Variants in CCSER2 observed in about 807,000 individuals in gnomAD.
CCSER2 encodes coiled-coil serine rich protein 2.
In CCSER2, 46 loss-of-function variants were observed where a neutral mutation model predicts 92.3. The observed-to-expected ratio is 0.50, with a 90% CI of 0.39 to 0.64. The LOEUF is 0.64. Ranked by LOEUF, CCSER2 falls within the 30% of genes least tolerant of loss-of-function variation. The pLI is 0.00. For synonymous variants in CCSER2, 433 were observed against 431.4 expected, an observed-to-expected ratio of 1.00 and a Z score of -0.04; for missense variants, 1,244 against 1,238.9, an observed-to-expected ratio of 1.00 and a Z score of -0.06.
chr10:84,396,356 A>G (rs1414138844), intron 3 of CCSER2, among the ~76,000 whole-genome samples: 1 of 151,356 alleles, frequency 6.6e-6, no homozygotes, highest in African/African-American at 2.4e-5. Flanking sequence ...CCTATGAAAA[A>G]GATTTACTAA....
At chr10:84,350,758 T>G (rs1198010800) in intron 1 of CCSER2, among the ~76,000 whole-genome samples, 1 of 152,248 alleles carries the variant, frequency 6.6e-6, no homozygotes. Context: ...TGCCCGTTTG[T>G]CACAACTTAA....
At chr10:84,467,245 T>C (rs759946995) in intron 7 of CCSER2, among the ~76,000 whole-genome samples, 54 of 152,226 alleles carry the variant, frequency 3.5e-4, no homozygotes, top group Non-Finnish European at 6.6e-4. Context: ...TTTTTTCCTG[T>C]AGGTTTCTCC....
chr10:84,444,848 T>C (rs1844809941), intron 6 of CCSER2, among the ~76,000 whole-genome samples: 1 of 152,212 alleles, frequency 6.6e-6, no homozygotes, highest in Non-Finnish European at 1.5e-5. Context: ...TACTTTATAG[T>C]TTAAGCATCT....
At chr10:84,455,653 T>C (rs1845573220) in intron 6 of CCSER2, 3 of 676,452 alleles carry the variant, frequency 4.4e-6, no homozygotes, top group Non-Finnish European at 8.4e-6. Context: ...CAGAAATGAG[T>C]TTCAGGAGAT....
At chr10:84,402,724 C>A (rs59748809) in intron 3 of CCSER2, among the ~76,000 whole-genome samples, 1 of 152,140 alleles carries the variant, frequency 6.6e-6, no homozygotes, top group African/African-American at 2.4e-5. Context: ...CTCCTAAATT[C>A]GAGAACAAGA....
chr10:84,403,587 C>T (rs1361238290), intron 3 of CCSER2, among the ~76,000 whole-genome samples: 1 of 152,016 alleles, frequency 6.6e-6, no homozygotes, highest in South Asian at 2.1e-4. Context: ...TTGAACAATA[C>T]AAAATATCAG....
intron 6 of CCSER2, among the ~76,000 whole-genome samples, chr10:84,459,702 T>G (rs199863262): frequency 6.6e-6 from 1 of 152,054 alleles, no homozygotes; most frequent in East Asian, 1.9e-4. Flanking sequence ...TTTTATAGTT[T>G]TGGTAGAGAC....
chr10:84,467,517 T>A (rs976708562), intron 7 of CCSER2, among the ~76,000 whole-genome samples: 1 of 152,152 alleles, frequency 6.6e-6, no homozygotes, highest in Middle Eastern at 3.4e-3. Context: ...CTTAAACATT[T>A]TATTTATTTA....
At position 84,348,735 on chromosome 10, in the gene CCSER2, G is replaced by T. The variant is rs1452081157; in HGVS notation, c.-40+19927G>T. 3.5e-5 allele frequency among the ~76,000 whole-genome samples: 5 copies of T among 143,782 alleles called. No individual in the cohort carries two copies. In the East Asian group the frequency reaches 1.0e-3, roughly 30 times the overall value. 94.3% of individuals were successfully genotyped at this position (143,782 alleles called of 152,430 possible). A position where few individuals can be genotyped will look rare whatever the true frequency, so the allele number is the denominator to read the frequency against. On this transcript the variant is annotated intron_variant, in intron 1 of 9. Transcript: ENST00000372088. The stretch of plus-strand genomic sequence containing the variant: ...GAAATCTGGGACTGTCTTAAAAAAA[G>T]TTTTGGGTTTTTTTGGTAATAATTT...
intron 6 of CCSER2, among the ~76,000 whole-genome samples, chr10:84,462,545 CACTTT>C (rs1846163270): frequency 6.6e-6 from 1 of 152,130 alleles, no homozygotes; most frequent in Non-Finnish European, 1.5e-5. Context: ...CTGTAAAACT[CACTTT>C]ACTTTCTTTA....
chr10:84,365,961 A>G (rs1171129394), intron 1 of CCSER2, among the ~76,000 whole-genome samples: 1 of 152,188 alleles, frequency 6.6e-6, no homozygotes, highest in East Asian at 1.9e-4. Context: ...TGTGGAAAAG[A>G]CCATTATCAA....
intron 9 of CCSER2, among the ~76,000 whole-genome samples, chr10:84,512,663 T>C (rs1290140802): frequency 6.6e-6 from 1 of 152,194 alleles, no homozygotes; most frequent in East Asian, 1.9e-4. Context: ...AGGCTTCTGT[T>C]CTTTAGTTGC....
At chr10:84,340,808 T>A (rs1301481522) in intron 1 of CCSER2, among the ~76,000 whole-genome samples, 1 of 152,134 alleles carries the variant, frequency 6.6e-6, no homozygotes, top group Non-Finnish European at 1.5e-5. Flanking sequence ...TACTTCTACA[T>A]CTGATGAGTT....
chr10:84,358,227 C>G (rs958297724), intron 1 of CCSER2, among the ~76,000 whole-genome samples: 1 of 152,160 alleles, frequency 6.6e-6, no homozygotes. Flanking sequence ...GTTATCTTTT[C>G]TTGCAGCTTT....
intron 7 of CCSER2, among the ~76,000 whole-genome samples, chr10:84,467,504 T>TG (rs1265104058): frequency 3.9e-5 from 6 of 152,050 alleles, no homozygotes; most frequent in Non-Finnish European, 5.9e-5. Context: ...GTATGTGAGA[T>TG]GTCTTAAACA....
intron 4 of CCSER2, among the ~76,000 whole-genome samples, chr10:84,419,538 A>G (rs545198120): frequency 7.9e-5 from 12 of 152,260 alleles, no homozygotes; most frequent in African/African-American, 2.6e-4. Context: ...TCTGCACATG[A>G]TAGAGGACAT....
chr10:84,389,099 A>G (rs185002962), intron 3 of CCSER2: 102 of 236,542 alleles, frequency 4.3e-4, no homozygotes, highest in Non-Finnish European at 9.2e-5. Context: ...TCTGACCAAT[A>G]ATAACTTTTT....
rs57929671 is a variant in CCSER2, at chr10:84,339,124, G to GT, written c.-40+10327dup. Among the ~76,000 whole-genome samples, 1,296 of 137,476 alleles carry GT rather than the reference G, an allele frequency of 9.4e-3. 7 individuals carry two copies. Among genetic ancestry groups the GT allele is most frequent in the African/African-American group, 0.021 (795 of 37,090 alleles). The allele number at this position is 137,476 out of a possible 152,430, so 90.2% of individuals were successfully genotyped here. A position where few individuals can be genotyped will look rare whatever the true frequency, so the allele number is the denominator to read the frequency against. On this transcript the variant is annotated intron_variant, in intron 1 of 9. Transcript: ENST00000372088. ...TTTTCTTTTCTTTTCTTTTTTTTTT[G>GT]TTTTTTTTTTTGCCTGTTTACCTAC...
intron 1 of CCSER2, among the ~76,000 whole-genome samples, chr10:84,339,736 A>G (rs1020604915): frequency 5.3e-5 from 8 of 152,188 alleles, no homozygotes; most frequent in Non-Finnish European, 1.0e-4. Context: ...TGGCCTCCCA[A>G]AGTGCTGGGA....
Sources: allele counts gnomAD v4.1 joint callset (sites outside exome capture counted in the v4.1 genomes callset), GRCh38; gene constraint gnomAD v4.1.1; transcripts MANE v1.5; gene names NCBI Gene and HGNC (gene_info 2026-07-23, HGNC 2026-07-21).